Variants in TMCO4 observed in about 807,000 individuals in gnomAD.
TMCO4 encodes transmembrane and coiled-coil domain-containing protein 4.
TMCO4 carries 58 observed loss-of-function variants against 64.7 expected under a neutral mutation model. The observed-to-expected ratio is 0.90, with a 90% confidence interval of 0.73 to 1.12. The LOEUF (loss-of-function observed/expected upper bound fraction) is 1.12, where lower values mean the gene tolerates loss of function less well. TMCO4 is among the 50% of genes most tolerant of loss of function. The pLI is 0.00. For missense variants in TMCO4, 780 were observed against 825.9 expected, an observed-to-expected ratio of 0.94 and a Z score of 0.68; for synonymous variants, 325 against 346.1, an observed-to-expected ratio of 0.94 and a Z score of 0.68.
At chr1:19,684,810 G>A (rs60132137) in intron 15 of TMCO4, among the ~76,000 whole-genome samples, 18,536 of 152,142 alleles carry the variant, frequency 0.12, 1,299 homozygotes, top group East Asian at 0.22. Flanking sequence ...TCTTTAAGAG[G>A]AGGAGTGCTC....
At chr1:19,780,488 A>C in intron 4 of TMCO4, 92 bp downstream of exon 4, 1 of 1,444,382 alleles carries the variant, frequency 6.9e-7, no homozygotes, top group Non-Finnish European at 9.3e-7. Flanking sequence ...CCCTCTCTGC[A>C]TTGCCTCATC....
chr1:19,718,059 G>A (rs1354280442), intron 13 of TMCO4, among the ~76,000 whole-genome samples: 2 of 152,130 alleles, frequency 1.3e-5, no homozygotes, highest in African/African-American at 2.4e-5. Context: ...TGGGCCAGGC[G>A]CAGTGACTCA....
At chr1:19,694,690 G>T in intron 14 of TMCO4, 139 bp from the exon 15 acceptor site, 1 of 724,758 alleles carries the variant, frequency 1.4e-6, no homozygotes, top group Admixed American at 2.3e-5. Flanking sequence ...ATTGCACGGT[G>T]GGGATGGAAG....
At chr1:19,794,105 G>A (rs2044188914) in intron 2 of TMCO4, among the ~76,000 whole-genome samples, 1 of 151,900 alleles carries the variant, frequency 6.6e-6, no homozygotes, top group East Asian at 1.9e-4. Context: ...GCAGCTCCTG[G>A]ACCCCACCAG....
rs567202206 is a variant in TMCO4, at chr1:19,705,549, A to C, written c.1265-4664T>G. 3.3e-4 allele frequency among the ~76,000 whole-genome samples: 50 copies of C among 152,154 alleles called. No individual in the cohort carries two copies. In the South Asian group the frequency reaches 5.4e-3, roughly 16 times the overall value. ...AAAAAAAAGAATTGCAAAAAAAAAA[A>C]CAACTCATGTTTTAGGAACGTTACT... is the stretch of plus-strand genomic sequence containing the variant. On this transcript the variant is annotated intron_variant, in intron 13 of 15. Transcript: ENST00000294543.
intron 10 of TMCO4, among the ~76,000 whole-genome samples, chr1:19,741,738 C>CTTT (rs773061506): frequency 2.1e-5 from 3 of 144,638 alleles, no homozygotes; most frequent in African/African-American, 2.6e-5. Flanking sequence ...TTCTTTCTTT[C>CTTT]TTTCTTTTTT....
At position 19,743,128 on chromosome 1, in the gene TMCO4, G is replaced by C. The variant is rs921398656; in HGVS notation, c.878-2187C>G. Among the ~76,000 whole-genome samples, 2 of 152,164 alleles carry C rather than the reference G, an allele frequency of 1.3e-5. No individual in the cohort carries two copies. Among genetic ancestry groups the C allele is most frequent in the Admixed American group, 6.5e-5 (1 of 15,284 alleles). ...CTCTACTGCATTGTGCTGTCCTATGGCCAAGAATATGGGCTGGAGCCAGAT... is the reference window on the plus strand; with the variant it reads ...CTCTACTGCATTGTGCTGTCCTATGCCCAAGAATATGGGCTGGAGCCAGAT... On this transcript the variant is annotated intron_variant, in intron 10 of 15. Transcript: ENST00000294543. This position sits in a 1 kb window ranked among gnomAD's most constrained non-coding sequence, Gnocchi z 4.1.
chr1:19,792,788 T>TTC (rs869032810), intron 2 of TMCO4, among the ~76,000 whole-genome samples: 12 of 147,080 alleles, frequency 8.2e-5, no homozygotes, highest in East Asian at 1.9e-4. Flanking sequence ...TTTTTTTTTT[T>TTC]CAGACAAAGT....
In TMCO4 at chr1:19,742,544, C is replaced by A. The variant is rs542869469; in HGVS notation, c.878-1603G>T. 2.5e-4 allele frequency among the ~76,000 whole-genome samples: 38 copies of A among 152,322 alleles called. 2 individuals are homozygous for A. In the East Asian group the frequency reaches 6.9e-3, roughly 28 times the overall value. On this transcript the variant is annotated intron_variant, in intron 10 of 15. Coordinates refer to ENST00000294543, the MANE Select transcript of TMCO4 (RefSeq NM_181719.7). ...GGGGGACCCTGTCTCAGCTCTGCAA[C>A]AACTTGGGGATCAACTGCCTCTAAT...
chr1:19,769,467 C>T (rs2042886201), intron 6 of TMCO4, among the ~76,000 whole-genome samples: 1 of 152,174 alleles, frequency 6.6e-6, no homozygotes, highest in Admixed American at 6.5e-5. Flanking sequence ...GTGGCTCCTT[C>T]CCACTATGAA....
At chr1:19,721,605 A>G (rs987396411) in intron 13 of TMCO4, among the ~76,000 whole-genome samples, 1 of 152,142 alleles carries the variant, frequency 6.6e-6, no homozygotes, top group African/African-American at 2.4e-5. Flanking sequence ...TCTAGGCAAC[A>G]TGGCGAAACC....
intron 4 of TMCO4, among the ~76,000 whole-genome samples, 192 bp downstream of exon 4, chr1:19,780,388 C>A (rs992430047): frequency 1.3e-5 from 2 of 152,162 alleles, no homozygotes; most frequent in Non-Finnish European, 2.9e-5. Flanking sequence ...TCCTGCTGTG[C>A]GGCCAGGTTC....
chr1:19,694,851 A>T (rs2095224975), intron 14 of TMCO4, among the ~76,000 whole-genome samples: 1 of 152,216 alleles, frequency 6.6e-6, no homozygotes, highest in African/African-American at 2.4e-5. Flanking sequence ...CTGGCATGCA[A>T]TAGAGGAATA....
chr1:19,780,090 C>T (rs935204444), intron 4 of TMCO4, among the ~76,000 whole-genome samples: 9 of 152,134 alleles, frequency 5.9e-5, no homozygotes, highest in African/African-American at 1.9e-4. Context: ...TGAAACTGTT[C>T]CACCTCAGAT....
chr1:19,773,307 GGGGAGGGAAGGGA>G (rs1446135428), intron 4 of TMCO4, among the ~76,000 whole-genome samples: 1 of 152,206 alleles, frequency 6.6e-6, no homozygotes, highest in Non-Finnish European at 1.5e-5. Context: ...TCAACACCCT[GGGGAGGGAAGGGA>G]GGAAGCAGGG....
chr1:19,755,889 G>T, intron 6 of TMCO4, 123 bp from the exon 7 acceptor site: 2 of 1,131,990 alleles, frequency 1.8e-6, no homozygotes, highest in Non-Finnish European at 2.5e-6. Context: ...ATGGGAGCCA[G>T]TCAATGAAAA....
intron 15 of TMCO4, among the ~76,000 whole-genome samples, chr1:19,691,504 C>T (rs1182481119): frequency 6.6e-6 from 1 of 152,174 alleles, no homozygotes; most frequent in Non-Finnish European, 1.5e-5. Flanking sequence ...TTATCAAATG[C>T]TCAGTCAAGT....
intron 6 of TMCO4, among the ~76,000 whole-genome samples, chr1:19,769,985 G>A (rs78998716): frequency 6.6e-6 from 1 of 152,276 alleles, no homozygotes; most frequent in East Asian, 1.9e-4. Flanking sequence ...AAAGCCCCAC[G>A]GCAAGGGGAC....
intron 15 of TMCO4, among the ~76,000 whole-genome samples, chr1:19,689,020 C>T (rs1018977221): frequency 2.0e-5 from 3 of 152,114 alleles, no homozygotes; most frequent in Admixed American, 1.3e-4. Flanking sequence ...TCATTCACCC[C>T]AGAGATGCGC....
Sources: allele counts gnomAD v4.1 joint callset (sites outside exome capture counted in the v4.1 genomes callset), GRCh38; gene constraint gnomAD v4.1.1; non-coding constraint Gnocchi (gnomAD v3.1); transcripts MANE v1.5; gene names NCBI Gene and HGNC (gene_info 2026-07-23, HGNC 2026-07-21).